Variants in NCOA2 observed in about 807,000 individuals in gnomAD.
NCOA2 encodes the protein nuclear receptor coactivator 2, also known as class E basic helix-loop-helix protein 75.
NCOA2 carries 21 observed loss-of-function variants against 145.1 expected under a neutral mutation model. The observed-to-expected ratio is 0.14, with a 90% CI of 0.10 to 0.21. The LOEUF (loss-of-function observed/expected upper bound fraction) is 0.21, where lower values mean the gene tolerates loss of function less well. NCOA2 is among the 10% of genes least tolerant of loss of function. NCOA2 has a pLI of 1.00. For missense variants in NCOA2, 1,472 were observed against 1,837.6 expected (o/e 0.80, Z 3.64); for synonymous variants, 619 against 637.5 (o/e 0.97, Z 0.44).
chr8:70,153,061 T>G (rs1450718328), intron 11 of NCOA2, among the ~76,000 whole-genome samples: 1 of 152,224 alleles, frequency 6.6e-6, no homozygotes, highest in Non-Finnish European at 1.5e-5. Context: ...CATTCTAACT[T>G]TGATCTAAAT....
At chr8:70,158,623 A>G (rs565377545) in intron 10 of NCOA2, among the ~76,000 whole-genome samples, 1 of 152,284 alleles carries the variant, frequency 6.6e-6, no homozygotes, top group South Asian at 2.1e-4. Flanking sequence ...AGGCTGGCGC[A>G]TGCCTGTAAT....
At chr8:70,379,128 ATAT>A (rs1811954204) in intron 1 of NCOA2, among the ~76,000 whole-genome samples, 1 of 152,210 alleles carries the variant, frequency 6.6e-6, no homozygotes, top group Non-Finnish European at 1.5e-5. Context: ...TACAAAATAA[ATAT>A]TATATGGTAA....
chr8:70,208,851 G>T (rs188453729), intron 4 of NCOA2, among the ~76,000 whole-genome samples: 70 of 152,348 alleles, frequency 4.6e-4, no homozygotes, highest in Admixed American at 4.1e-3. Flanking sequence ...CCCAAGAGCT[G>T]TGATGAAGAT....
chr8:70,361,186 A>C (rs990789431), intron 1 of NCOA2, among the ~76,000 whole-genome samples: 1 of 152,184 alleles, frequency 6.6e-6, no homozygotes, highest in East Asian at 1.9e-4. Context: ...CTGTCTCTAC[A>C]GAGCAAACAT....
chr8:70,152,409 C>T (rs1585858538), intron 11 of NCOA2, among the ~76,000 whole-genome samples: 1 of 152,282 alleles, frequency 6.6e-6, no homozygotes, highest in South Asian at 2.1e-4. Context: ...ATTTGCCTAA[C>T]ACAAAGTTGT....
chr8:70,290,441 G>A (rs1170193892), intron 2 of NCOA2, among the ~76,000 whole-genome samples: 2 of 152,068 alleles, frequency 1.3e-5, no homozygotes, highest in Non-Finnish European at 2.9e-5. Context: ...GCCTGCCTCG[G>A]CCTCTCAAAG....
chr8:70,214,952 C>T (rs1263591775), intron 3 of NCOA2, among the ~76,000 whole-genome samples: 1 of 152,028 alleles, frequency 6.6e-6, no homozygotes, highest in Admixed American at 6.5e-5. Context: ...GTATATAATA[C>T]TAATTTTAAA....
At chr8:70,149,007 G>A (rs1811435523) in intron 11 of NCOA2, among the ~76,000 whole-genome samples, 1 of 151,732 alleles carries the variant, frequency 6.6e-6, no homozygotes. Context: ...AAGAACACAG[G>A]GGTGGGGAGA....
At chr8:70,317,435 C>A (rs996443716) in intron 1 of NCOA2, among the ~76,000 whole-genome samples, 2 of 152,210 alleles carry the variant, frequency 1.3e-5, no homozygotes, top group African/African-American at 4.8e-5. Context: ...AAGCATTGCA[C>A]AACCCAACAC....
the NCOA2 span, among the ~76,000 whole-genome samples, chr8:70,418,936 T>C: frequency 1.3e-5 from 2 of 152,184 alleles, no homozygotes; most frequent in Admixed American, 1.3e-4. Flanking sequence ...GTTATAAACA[T>C]AATACCAGCA....
rs545426365 is a variant in NCOA2 at position 70,273,431 on chromosome 8, A to C, written c.-20+23313T>G. The C allele has an allele frequency of 1.3e-3, 957 of 715,166 alleles. 9 individuals are homozygous for C. The highest frequency in any genetic ancestry group is 0.013 in the South Asian group (730 of 54,584). 44.3% of individuals were successfully genotyped at this position (715,166 alleles called of 1,614,324 possible). A position where few individuals can be genotyped will look rare whatever the true frequency, so the allele number is the denominator to read the frequency against. ...CGCCAAACTGCAGGCAAAAGTGCCC[A>C]TTGGTGGAACTGCTCACAGAAAGAA... is the stretch of plus-strand genomic sequence containing the variant. On this transcript the variant is annotated intron_variant, in intron 2 of 22. Transcript: ENST00000452400.
At position 70,110,098 on chromosome 8, in the gene NCOA2, A is replaced by G. The variant is rs1806412457; in HGVS notation, c.*3534T>C. ...TATTGCTTAATTTTACCCTTGTATA[A>G]TCTTTTCATATACACACATCTCAGA... On this transcript the variant is annotated 3_prime_UTR_variant, in exon 23 of 23. Transcript: ENST00000452400. The G allele has an allele frequency of 5.1e-6, 1 of 196,958 alleles. No homozygotes were observed. Among genetic ancestry groups the G allele is most frequent in the Non-Finnish European group, 1.1e-5 (1 of 95,022 alleles). 12.2% of individuals were successfully genotyped at this position (196,958 alleles called of 1,614,324 possible).
intron 2 of NCOA2, among the ~76,000 whole-genome samples, chr8:70,281,443 C>T (rs1401566727): frequency 6.7e-6 from 1 of 150,150 alleles, no homozygotes; most frequent in South Asian, 2.1e-4. Flanking sequence ...ACTTAAATCT[C>T]TCTTCCACTT....
chr8:70,367,516 T>C (rs1026601491), intron 1 of NCOA2, among the ~76,000 whole-genome samples: 7 of 152,102 alleles, frequency 4.6e-5, no homozygotes, highest in Non-Finnish European at 7.4e-5. Flanking sequence ...GAGTATAACA[T>C]AGATTTTGGA....
intron 4 of NCOA2, among the ~76,000 whole-genome samples, chr8:70,191,688 G>T (rs1399799066): frequency 6.6e-6 from 1 of 152,168 alleles, no homozygotes; most frequent in Non-Finnish European, 1.5e-5. Context: ...TTTTATAGAA[G>T]TGAGAGAGAC....
At position 70,232,316 on chromosome 8, in the gene NCOA2, AG is replaced by A. The variant is rs34839798; in HGVS notation, c.-19-15553del. 3.3e-5 allele frequency among the ~76,000 whole-genome samples: 5 copies of A among 152,246 alleles called. No individual in the cohort carries two copies. In the East Asian group the frequency reaches 9.7e-4, roughly 29 times the overall value. On this transcript the variant is annotated intron_variant, in intron 2 of 22. Coordinates refer to ENST00000452400, the MANE Select transcript of NCOA2 (RefSeq NM_006540.4). ...TTCATTCCCAAGTCTTTCCACCATA[AG>A]GGGAAGCTGAGCACTGATGGAGAAT...
the NCOA2 span, among the ~76,000 whole-genome samples, chr8:70,437,275 G>C: frequency 6.6e-6 from 1 of 152,148 alleles, no homozygotes; most frequent in African/African-American, 2.4e-5. Flanking sequence ...TCTCACACAG[G>C]CTCTCATGCC....
chr8:70,255,688 T>G (rs1163574663), intron 2 of NCOA2, among the ~76,000 whole-genome samples: 1 of 152,164 alleles, frequency 6.6e-6, no homozygotes, highest in Non-Finnish European at 1.5e-5. Context: ...TTAAATCACT[T>G]TTAAGCCTGT....
At chr8:70,199,561 G>A (rs549484616) in intron 4 of NCOA2, among the ~76,000 whole-genome samples, 7 of 152,142 alleles carry the variant, frequency 4.6e-5, no homozygotes, top group South Asian at 4.1e-4. Context: ...AACGGGAGTC[G>A]CTGCAGACAG....
Sources: gnomAD v4.1 joint callset for allele counts (sites outside exome capture counted in the v4.1 genomes callset) on GRCh38, gnomAD v4.1.1 for gene constraint, MANE v1.5 for transcripts, NCBI Gene and HGNC (gene_info 2026-07-23, HGNC 2026-07-21) for gene names.